The following SH3PXD2A variants were observed in gnomAD, a reference collection of about 807,000 sequenced individuals.
The protein encoded by SH3PXD2A is SH3 and PX domains 2A.
Under a neutral mutation model 115.2 loss-of-function variants are expected in SH3PXD2A, and 32 were observed. That is an observed-to-expected ratio of 0.28 (90% confidence interval 0.21 to 0.37). SH3PXD2A has a LOEUF of 0.37. Ranked by LOEUF, SH3PXD2A falls within the 10% of genes least tolerant of loss-of-function variation. SH3PXD2A has a pLI of 1.00. For synonymous variants in SH3PXD2A, 610 were observed against 629.1 expected (o/e 0.97, Z 0.45); for missense variants, 1,328 against 1,498.7 (o/e 0.89, Z 1.88).
intron 5 of SH3PXD2A, among the ~76,000 whole-genome samples, chr10:103,717,643 A>C (rs1432077422): frequency 4.6e-5 from 7 of 152,224 alleles, no homozygotes; most frequent in African/African-American, 1.7e-4. Context: ...CTACAGACAG[A>C]GTTCCTAGCG....
chr10:103,622,398 G>A (rs1221601513), intron 10 of SH3PXD2A, 72 bp downstream of exon 10: 19 of 1,018,136 alleles, frequency 1.9e-5, no homozygotes, highest in South Asian at 1.1e-4. Context: ...AGCAGAGCCC[G>A]GAAAGAAAGA....
At chr10:103,813,124 G>T (rs775886561) in intron 1 of SH3PXD2A, among the ~76,000 whole-genome samples, 1 of 152,090 alleles carries the variant, frequency 6.6e-6, no homozygotes, top group Non-Finnish European at 1.5e-5. Context: ...AGAAAAAAAA[G>T]ATTATAATGC....
chr10:103,742,429 A>G (rs2038454357), intron 3 of SH3PXD2A, among the ~76,000 whole-genome samples: 1 of 152,126 alleles, frequency 6.6e-6, no homozygotes, highest in Non-Finnish European at 1.5e-5. Context: ...TGCCCACCCT[A>G]TATCCAGGAT....
chr10:103,652,566 G>A (rs1387586841), intron 8 of SH3PXD2A, among the ~76,000 whole-genome samples: 5 of 152,218 alleles, frequency 3.3e-5, no homozygotes, highest in Admixed American at 3.3e-4. Context: ...GAGAGAATGA[G>A]GAAGGGGCAA....
intron 5 of SH3PXD2A, among the ~76,000 whole-genome samples, chr10:103,714,823 C>G (rs2038086877): frequency 1.3e-5 from 2 of 152,192 alleles, no homozygotes; most frequent in African/African-American, 4.8e-5. Context: ...GGTGGCAGGG[C>G]TTTACAGAGC....
At chr10:103,853,032 T>C (rs1221512788) in intron 1 of SH3PXD2A, among the ~76,000 whole-genome samples, 2 of 152,190 alleles carry the variant, frequency 1.3e-5, no homozygotes, top group Non-Finnish European at 2.9e-5. Flanking sequence ...TAACACTTTC[T>C]CCTCTCAGTG....
chr10:103,823,272 G>A (rs10786770), intron 1 of SH3PXD2A, among the ~76,000 whole-genome samples: 92,818 of 152,050 alleles, frequency 0.61, 29,180 homozygotes, highest in Non-Finnish European at 0.69. Flanking sequence ...GAAAAGCAGC[G>A]TGCAGAAAAA....
Position 103,603,151 on chromosome 10 carries a change from G to T in SH3PXD2A, c.2067C>A (p.Ser689=), listed in dbSNP as rs914674678. The T allele has an allele frequency of 6.2e-7, 1 of 1,613,762 alleles. No individual in the cohort carries two copies. The highest frequency in any genetic ancestry group is 8.5e-7 in the Non-Finnish European group (1 of 1,180,020). The change falls in exon 15 of 15, where the codon TCC becomes TCA. Residue 689 remains serine (S), a synonymous_variant. Transcript: ENST00000369774. The stretch of plus-strand genomic sequence containing the variant: ...TGTTGATGGTGATGGATGAGGAAAA[G>T]GAGGCTGAGGAGTGGTTCTTCCCCA... ...AEMGKNHSSA[S]FSSSITINTT...
At chr10:103,754,190 T>G (rs2038612684) in intron 3 of SH3PXD2A, 10 of 152,196 alleles carry the variant, frequency 6.6e-5, no homozygotes, top group Admixed American at 6.5e-4. Flanking sequence ...ATTTCACTTT[T>G]TTTTCTTTTT....
chr10:103,816,989 C>T (rs926394564), intron 1 of SH3PXD2A, among the ~76,000 whole-genome samples: 2 of 140,978 alleles, frequency 1.4e-5, no homozygotes, highest in Admixed American at 1.5e-4. Flanking sequence ...TGCCAACACA[C>T]CCGGCTAATT....
At chr10:103,761,995 C>A (rs529570577) in intron 3 of SH3PXD2A, among the ~76,000 whole-genome samples, 28 of 144,994 alleles carry the variant, frequency 1.9e-4, no homozygotes, top group African/African-American at 6.6e-4. Flanking sequence ...TAGGCACACA[C>A]TAGGAGCAAT....
chr10:103,639,159 G>A (rs2036911521), intron 8 of SH3PXD2A, among the ~76,000 whole-genome samples: 2 of 152,138 alleles, frequency 1.3e-5, no homozygotes, highest in African/African-American at 2.4e-5. Flanking sequence ...CATGGCGGTG[G>A]GTGATACAAT....
At chr10:103,778,326 C>T (rs1261654388) in intron 2 of SH3PXD2A, among the ~76,000 whole-genome samples, 3 of 152,120 alleles carry the variant, frequency 2.0e-5, no homozygotes, top group Non-Finnish European at 2.9e-5. Flanking sequence ...AGCGAGACTC[C>T]GTCTCCAGAA....
intron 6 of SH3PXD2A, among the ~76,000 whole-genome samples, chr10:103,682,717 A>C (rs999461546): frequency 3.3e-5 from 5 of 151,412 alleles, no homozygotes; most frequent in African/African-American, 9.7e-5. Flanking sequence ...AGATCGTGCC[A>C]TTGCACTCCG....
Position 103,795,916 on chromosome 10 carries a change from AAGGAAGGAAGGAAGGC to A in SH3PXD2A, c.153+5350_153+5365del, listed in dbSNP as rs1259117971. Among the ~76,000 whole-genome samples the A allele has an allele frequency of 3.4e-3, 375 of 109,422 alleles. 1 individual carries two copies. Among genetic ancestry groups the A allele is most frequent in the East Asian group, 0.02 (32 of 1,630 alleles). 71.8% of individuals were successfully genotyped at this position (109,422 alleles called of 152,430 possible). The stretch of plus-strand genomic sequence containing the variant: ...AGGGAGGGAGGAAAAGGAAGGAAGG[AAGGAAGGAAGGAAGGC>A]AGGAAGGAAGGAAGGAAGGAAGGAA... On this transcript the variant is annotated intron_variant, in intron 2 of 14. Coordinates refer to ENST00000369774, the MANE Select transcript of SH3PXD2A (RefSeq NM_001394015.1).
At chr10:103,619,297 T>G (rs1233730626) in intron 10 of SH3PXD2A, among the ~76,000 whole-genome samples, 2 of 152,114 alleles carry the variant, frequency 1.3e-5, no homozygotes, top group Non-Finnish European at 2.9e-5. Context: ...TTCTGCTCCA[T>G]TTTCCAGTGA....
At chr10:103,750,252 T>C (rs2038560113) in intron 3 of SH3PXD2A, among the ~76,000 whole-genome samples, 1 of 152,178 alleles carries the variant, frequency 6.6e-6, no homozygotes, top group Non-Finnish European at 1.5e-5. Context: ...TGGGGGTCTC[T>C]ATGTTGCCCA....
intron 7 of SH3PXD2A, chr10:103,661,561 G>A (rs1044566809): frequency 1.3e-6 from 1 of 741,036 alleles, no homozygotes; most frequent in East Asian, 1.3e-4. Flanking sequence ...CGGGTGGGCG[G>A]CCCATGAGGG....
chr10:103,703,928 C>G (rs2037950799), intron 5 of SH3PXD2A, among the ~76,000 whole-genome samples: 1 of 152,172 alleles, frequency 6.6e-6, no homozygotes, highest in Middle Eastern at 3.2e-3. Context: ...CTCTGCCAGA[C>G]AGATTATTTA....
Sources: allele counts gnomAD v4.1 joint callset (sites outside exome capture counted in the v4.1 genomes callset), GRCh38; gene constraint gnomAD v4.1.1; transcripts MANE v1.5; gene names NCBI Gene and HGNC (gene_info 2026-07-23, HGNC 2026-07-21).